Variants in CSMD1 observed in about 807,000 individuals in gnomAD.
CSMD1 encodes CUB and Sushi multiple domains 1.
CSMD1 carries 213 observed loss-of-function variants against 417.5 expected under a neutral mutation model. The ratio of observed to expected loss-of-function variants is 0.51; its 90% CI spans 0.46 to 0.57. The LOEUF (loss-of-function observed/expected upper bound fraction) is 0.57, where lower values mean the gene tolerates loss of function less well. Among genes scored for constraint, CSMD1 ranks in the 20% least tolerant of loss-of-function variants. The probability of loss-of-function intolerance (pLI) is 0.00; values close to 1 mark genes in which losing one functional copy is unlikely to be tolerated. For missense variants in CSMD1, 6,923 were observed against 4,529.7 expected (o/e 1.53, Z -15.17); for synonymous variants, 2,862 against 1,736.8 (o/e 1.65, Z -16.11).
At chr8:3,298,604 C>T (rs1469166960) in intron 25 of CSMD1, among the ~76,000 whole-genome samples, 2 of 152,104 alleles carry the variant, frequency 1.3e-5, no homozygotes, top group African/African-American at 2.4e-5. Flanking sequence ...TAGGCGTGTG[C>T]CAACACAACT....
chr8:3,359,730 T>G (rs540709186), intron 20 of CSMD1, among the ~76,000 whole-genome samples: 29 of 152,226 alleles, frequency 1.9e-4, no homozygotes, highest in African/African-American at 6.7e-4. Context: ...CATTTCAAAA[T>G]AGCTCAAAGG....
chr8:4,939,942 A>G (rs1190004041), intron 1 of CSMD1, among the ~76,000 whole-genome samples: 1 of 152,224 alleles, frequency 6.6e-6, no homozygotes, highest in Admixed American at 6.5e-5. Flanking sequence ...CAATTAAAAT[A>G]TAAATTTAAA....
chr8:3,585,891 G>T (rs1800578448), intron 9 of CSMD1, among the ~76,000 whole-genome samples: 1 of 152,116 alleles, frequency 6.6e-6, no homozygotes, highest in Non-Finnish European at 1.5e-5. Context: ...GTTATACTCA[G>T]TATGTGTGGA....
chr8:3,458,014 A>G (rs1021443533), intron 12 of CSMD1, among the ~76,000 whole-genome samples: 2 of 152,328 alleles, frequency 1.3e-5, no homozygotes, highest in Admixed American at 6.5e-5. Context: ...TAATTCGCAA[A>G]TATCATTATC....
intron 50 of CSMD1, among the ~76,000 whole-genome samples, chr8:3,036,283 G>T (rs1025893830): frequency 6.6e-6 from 1 of 152,098 alleles, no homozygotes; most frequent in African/African-American, 2.4e-5. Context: ...CATAAATAAA[G>T]CCCTTTGCCC....
At chr8:3,228,025 C>T in intron 27 of CSMD1, among the ~76,000 whole-genome samples, 1 of 152,120 alleles carries the variant, frequency 6.6e-6, no homozygotes, top group East Asian at 1.9e-4. Context: ...GCCTTGGCCT[C>T]CTAAAGTGCT....
At chr8:3,219,183 C>G in intron 29 of CSMD1, 72 bp downstream of exon 29, 6 of 1,267,508 alleles carry the variant, frequency 4.7e-6, no homozygotes, top group Non-Finnish European at 6.7e-6. Flanking sequence ...CAAGATGTTA[C>G]AAAGCAATGC....
chr8:4,578,230 G>A (rs1343610051), intron 2 of CSMD1, among the ~76,000 whole-genome samples: 4 of 151,524 alleles, frequency 2.6e-5, no homozygotes, highest in Non-Finnish European at 5.9e-5. Context: ...GCGTGATCTC[G>A]GCTCACTGCA....
At chr8:4,651,576 T>C (rs372280621) in intron 1 of CSMD1, among the ~76,000 whole-genome samples, 24 of 152,364 alleles carry the variant, frequency 1.6e-4, no homozygotes, top group African/African-American at 5.8e-4. Flanking sequence ...AACAAAACTA[T>C]TCCTTAATAT....
chr8:4,311,385 A>T (rs939344336), intron 3 of CSMD1, among the ~76,000 whole-genome samples: 3 of 152,188 alleles, frequency 2.0e-5, no homozygotes, highest in Non-Finnish European at 4.4e-5. Context: ...TATTCTTGGC[A>T]AACTAATGCA....
chr8:4,448,222 T>A (rs558467445), intron 2 of CSMD1, among the ~76,000 whole-genome samples: 2 of 152,346 alleles, frequency 1.3e-5, no homozygotes, highest in South Asian at 2.1e-4. Flanking sequence ...ATATTTTTCA[T>A]CTTTATTCAG....
intron 69 of CSMD1, among the ~76,000 whole-genome samples, 175 bp downstream of exon 69, chr8:2,942,297 G>C (rs549006953): frequency 3.3e-4 from 50 of 151,498 alleles, no homozygotes; most frequent in African/African-American, 1.2e-3. Context: ...TAACAAACCT[G>C]CACATCCGGC....
At chr8:3,039,777 C>T (rs1476278281) in intron 50 of CSMD1, among the ~76,000 whole-genome samples, 1 of 152,090 alleles carries the variant, frequency 6.6e-6, no homozygotes, top group African/African-American at 2.4e-5. Context: ...CCTTAAAACC[C>T]AGAGATTAGA....
chr8:3,010,407 G>T (rs1025912891), intron 52 of CSMD1, among the ~76,000 whole-genome samples: 1 of 152,104 alleles, frequency 6.6e-6, no homozygotes, highest in South Asian at 2.1e-4. Flanking sequence ...CCCTAGAGCG[G>T]GTGTCAGAGT....
intron 3 of CSMD1, among the ~76,000 whole-genome samples, chr8:4,128,760 C>T (rs750744752): frequency 2.6e-5 from 4 of 152,130 alleles, no homozygotes; most frequent in Admixed American, 1.3e-4. Flanking sequence ...CACAGCCTCA[C>T]ACCCACACAC....
chr8:3,509,708 T>G (rs1796983734), intron 10 of CSMD1, among the ~76,000 whole-genome samples: 1 of 152,154 alleles, frequency 6.6e-6, no homozygotes, highest in Admixed American at 6.5e-5. Context: ...GCAGGGCTAT[T>G]TGCTTCCTAT....
chr8:4,422,744 A>T (rs555839077), intron 2 of CSMD1, among the ~76,000 whole-genome samples: 2 of 152,274 alleles, frequency 1.3e-5, no homozygotes, highest in South Asian at 4.1e-4. Flanking sequence ...AAGAAAAATA[A>T]AATAATGTCT....
rs559887960 is a variant in CSMD1 at position 3,627,654 on chromosome 8, G to A, written c.1010-10857C>T. On this transcript the variant is annotated intron_variant, in intron 7 of 69. Transcript: ENST00000635120. ...GAACTATGAGATAATAATAAAACAGGAAGGGTGATCACATATGCAATGTTT... is the reference window on the plus strand; with the variant it reads ...GAACTATGAGATAATAATAAAACAGAAAGGGTGATCACATATGCAATGTTT... Among the ~76,000 whole-genome samples the A allele has an allele frequency of 1.6e-4, 25 of 152,238 alleles. No homozygotes were observed. In the South Asian group the frequency reaches 5.2e-3, roughly 32 times the overall value.
chr8:4,184,429 C>G (rs140894658), intron 3 of CSMD1, among the ~76,000 whole-genome samples: 1 of 152,156 alleles, frequency 6.6e-6, no homozygotes, highest in Non-Finnish European at 1.5e-5. Context: ...CCTTGCGGCA[C>G]TATTCACAAT....
Sources: gnomAD v4.1 joint callset for allele counts (sites outside exome capture counted in the v4.1 genomes callset) on GRCh38, gnomAD v4.1.1 for gene constraint, MANE v1.5 for transcripts, NCBI Gene and HGNC (gene_info 2026-07-23, HGNC 2026-07-21) for gene names.